The following ATXN10 variants were observed in gnomAD, a reference collection of about 807,000 sequenced individuals.
ATXN10 encodes the protein ataxin 10, also known as ataxin-10.
In ATXN10, 28 loss-of-function variants were observed where a neutral mutation model predicts 52.9. The ratio of observed to expected loss-of-function variants is 0.53; its 90% CI spans 0.39 to 0.73. The LOEUF is 0.73. ATXN10 is among the 30% of genes least tolerant of loss of function. ATXN10 has a pLI of 0.00. For missense variants in ATXN10, 565 were observed against 577.0 expected, an observed-to-expected ratio of 0.98 and a Z score of 0.21; for synonymous variants, 226 against 221.5, an observed-to-expected ratio of 1.02 and a Z score of -0.18.
In ATXN10 at chr22:45,702,710, C is replaced by A. The variant is rs375709107; in HGVS notation, c.510C>A (p.Asp170Glu). The change falls in exon 5 of 12, where the codon GAC becomes GAA. Residue 170 changes from aspartate to glutamate, a missense_variant. Asp to Glu is a conservative substitution (Grantham distance 45). Coordinates refer to ENST00000252934, the MANE Select transcript of ATXN10 (RefSeq NM_013236.4). Reference sequence around the variant, plus strand: ...GAAGGTCTTGCTTAAATCATCCGGACAAAAAAATTGTTGCCTACTCTTCAA... The same window carrying A: ...GAAGGTCTTGCTTAAATCATCCGGAAAAAAAAATTGTTGCCTACTCTTCAA... ...ELFLSCLNHPDKKIVAYSSMI... is the reference protein window; with the variant it reads ...ELFLSCLNHPEKKIVAYSSMI... 1.2e-5 allele frequency: 20 copies of A among 1,613,672 alleles called. No individual in the cohort carries two copies. Among genetic ancestry groups the A allele is most frequent in the Non-Finnish European group, 1.6e-5 (19 of 1,179,880 alleles).
chr22:45,695,195 G>A (rs2146745230), intron 3 of ATXN10, among the ~76,000 whole-genome samples: 1 of 150,798 alleles, frequency 6.6e-6, no homozygotes, highest in East Asian at 2.0e-4. Flanking sequence ...ATGGTGGTGG[G>A]CACCTGTAGT....
At chr22:45,735,949 T>C (rs1301641358) in intron 7 of ATXN10, among the ~76,000 whole-genome samples, 2 of 152,002 alleles carry the variant, frequency 1.3e-5, no homozygotes, top group East Asian at 1.9e-4. Flanking sequence ...GGCTGTTCTT[T>C]CGTTACTAAT....
chr22:45,711,554 C>A (rs1003437767), intron 5 of ATXN10, among the ~76,000 whole-genome samples: 1 of 152,166 alleles, frequency 6.6e-6, no homozygotes, highest in African/African-American at 2.4e-5. Flanking sequence ...ATCCGCACAT[C>A]GTGTCACTGT....
At position 45,824,116 on chromosome 22, in the gene ATXN10, A is replaced by C. The variant is rs1928742617; in HGVS notation, c.1237+17094A>C. On this transcript the variant is annotated intron_variant, in intron 10 of 11. Coordinates refer to ENST00000252934, the MANE Select transcript of ATXN10 (RefSeq NM_013236.4). This position sits in a 1 kb window ranked among gnomAD's most constrained non-coding sequence, Gnocchi z 5.2. ...CTTCCTACCTTCCTTTGCCTTCCCCACGCTCTTACCTGCTGAGTGTAGTCA... is the reference window on the plus strand; with the variant it reads ...CTTCCTACCTTCCTTTGCCTTCCCCCCGCTCTTACCTGCTGAGTGTAGTCA... Among the ~76,000 whole-genome samples, 1 of 151,938 alleles carries C rather than the reference A, an allele frequency of 6.6e-6. No individual in the cohort carries two copies.
chr22:45,804,003 G>A (rs1481068496), intron 9 of ATXN10, among the ~76,000 whole-genome samples: 1 of 152,012 alleles, frequency 6.6e-6, no homozygotes, highest in African/African-American at 2.4e-5. Flanking sequence ...AACCATCCTG[G>A]ACCTACATTT....
At chr22:45,706,996 G>A (rs1716200141) in intron 5 of ATXN10, among the ~76,000 whole-genome samples, 1 of 152,036 alleles carries the variant, frequency 6.6e-6, no homozygotes, top group Non-Finnish European at 1.5e-5. Context: ...CTTCAGTTCT[G>A]TCAGTTTTTG....
At chr22:45,707,761 C>A (rs937064852) in intron 5 of ATXN10, among the ~76,000 whole-genome samples, 2 of 151,974 alleles carry the variant, frequency 1.3e-5, no homozygotes, top group Non-Finnish European at 2.9e-5. Flanking sequence ...ATGATCACTT[C>A]TGCAGTCCAG....
Position 45,788,868 on chromosome 22 carries a change from C to T in ATXN10, c.1174-18091C>T, listed in dbSNP as rs1927409962. ...CTCGCCGTGTTGTTCAGACTGGTCT[C>T]GAATTTGTGACCTCAAATGATCCTC... On this transcript the variant is annotated intron_variant, in intron 9 of 11. Coordinates refer to ENST00000252934, the MANE Select transcript of ATXN10 (RefSeq NM_013236.4). Among the ~76,000 whole-genome samples the T allele has an allele frequency of 2.0e-5, 3 of 151,924 alleles. No homozygotes were observed. In the South Asian group the frequency reaches 6.3e-4, roughly 32 times the overall value.
intron 9 of ATXN10, among the ~76,000 whole-genome samples, chr22:45,773,917 T>C (rs561229779): frequency 1.5e-4 from 23 of 152,318 alleles, no homozygotes; most frequent in African/African-American, 5.5e-4. Flanking sequence ...TATCCACAGG[T>C]GTATTTCTAT....
chr22:45,807,693 G>T (rs1928147812), intron 10 of ATXN10, among the ~76,000 whole-genome samples: 1 of 152,204 alleles, frequency 6.6e-6, no homozygotes, highest in South Asian at 2.1e-4. Context: ...CCAGGGACCG[G>T]ATACAGCTTG....
intron 6 of ATXN10, among the ~76,000 whole-genome samples, chr22:45,723,127 A>ATG (rs1181876453): frequency 4.0e-5 from 6 of 151,676 alleles, no homozygotes; most frequent in South Asian, 2.1e-4. Context: ...TGAAAGTCAT[A>ATG]TGTGTGTGTG....
At chr22:45,697,600 C>T (rs1348622954) in intron 3 of ATXN10, among the ~76,000 whole-genome samples, 1 of 151,990 alleles carries the variant, frequency 6.6e-6, no homozygotes, top group African/African-American at 2.4e-5. Flanking sequence ...CCTTTGGTGT[C>T]TTACTCCTTT....
At chr22:45,773,126 A>C (rs1183838070) in intron 9 of ATXN10, among the ~76,000 whole-genome samples, 1 of 152,222 alleles carries the variant, frequency 6.6e-6, no homozygotes, top group African/African-American at 2.4e-5. Flanking sequence ...CTTTTTAAAA[A>C]TAGCCAGTTC....
At chr22:45,788,150 G>A (rs1404497463) in intron 9 of ATXN10, among the ~76,000 whole-genome samples, 1 of 152,054 alleles carries the variant, frequency 6.6e-6, no homozygotes, top group Non-Finnish European at 1.5e-5. Flanking sequence ...TGCCTGTTGA[G>A]CCCAGACATG....
chr22:45,830,380 C>A (rs1181139130), intron 10 of ATXN10, among the ~76,000 whole-genome samples: 2 of 152,084 alleles, frequency 1.3e-5, no homozygotes, highest in African/African-American at 2.4e-5. Context: ...TATTTTGCAT[C>A]ATTCAACAGA....
In ATXN10 at chr22:45,705,440, GT is replaced by G. The variant is rs113003257; in HGVS notation, c.647+2604del. ...AACCTGTTACTTGTTACAGGTCTTG[GT>G]TTTTTTTTTTGAGACGGAGTCTCAC... On this transcript the variant is annotated intron_variant, in intron 5 of 11. Coordinates refer to ENST00000252934, the MANE Select transcript of ATXN10 (RefSeq NM_013236.4). The surrounding 1 kb of genome is among the most constrained non-coding windows in gnomAD (Gnocchi z 5.2). Among the ~76,000 whole-genome samples the G allele has an allele frequency of 3.2e-4, 47 of 146,654 alleles. No homozygotes were observed. The highest frequency in any genetic ancestry group is 6.1e-4 in the Admixed American group (9 of 14,704).
rs1164913980 is a variant in ATXN10 at position 45,818,139 on chromosome 22, A to G, written c.1237+11117A>G. On this transcript the variant is annotated intron_variant, in intron 10 of 11. Transcript: ENST00000252934. This position sits in a 1 kb window ranked among gnomAD's most constrained non-coding sequence, Gnocchi z 4.6. The stretch of plus-strand genomic sequence containing the variant: ...AGTTGTGCTCCTTCAGGTTTTGTCT[A>G]CTCAGCTTTTGGTTTTGTGCCTCTC... Among the ~76,000 whole-genome samples, 1 of 152,172 alleles carries G rather than the reference A, an allele frequency of 6.6e-6. No homozygotes were observed. Among genetic ancestry groups the G allele is most frequent in the Non-Finnish European group, 1.5e-5 (1 of 68,018 alleles).
At chr22:45,830,234 G>T (rs1406169399) in intron 10 of ATXN10, among the ~76,000 whole-genome samples, 1 of 152,184 alleles carries the variant, frequency 6.6e-6, no homozygotes, top group Non-Finnish European at 1.5e-5. Context: ...TGGATTAAAT[G>T]TAAGACTCTT....
chr22:45,806,611 T>C (rs1438749243), intron 9 of ATXN10, among the ~76,000 whole-genome samples: 5 of 152,106 alleles, frequency 3.3e-5, no homozygotes, highest in African/African-American at 1.2e-4. Flanking sequence ...AATTCACCCA[T>C]GTTTTTTTCT....
Sources: gnomAD v4.1 joint callset for allele counts (sites outside exome capture counted in the v4.1 genomes callset) on GRCh38, gnomAD v4.1.1 for gene constraint, Gnocchi (gnomAD v3.1) non-coding constraint, MANE v1.5 for transcripts, NCBI Gene and HGNC (gene_info 2026-07-23, HGNC 2026-07-21) for gene names.